NLRX1: variants seen among roughly 807,000 people sequenced by gnomAD.
NLRX1 encodes NLR family member X1.
Under a neutral mutation model 74.2 loss-of-function variants are expected in NLRX1, and 67 were observed. That is an observed-to-expected ratio of 0.90 (90% CI 0.74 to 1.11). The LOEUF is 1.11. NLRX1 is among the 50% of genes least tolerant of loss of function. NLRX1 has a pLI of 0.00. For synonymous variants in NLRX1, 506 were observed against 559.1 expected (o/e 0.91, Z 1.34); for missense variants, 1,191 against 1,305.4 (o/e 0.91, Z 1.35).
chr11:119,173,640 G>A lies in NLRX1; in HGVS notation c.391G>A (p.Ala131Thr), dbSNP rs1190296222. Residue 131 changes from alanine to threonine, a missense_variant, in exon 5 of 10, where the codon GCC becomes ACC. Physicochemically the swap from Ala to Thr is moderately conservative, Grantham distance 58 (BLOSUM62 0). Transcript: ENST00000409109. The surrounding 1 kb of genome is among the most constrained non-coding windows in gnomAD (Gnocchi z 4.0). ...GCTACTTCGCCCACCCGCGGAGCTG[G>A]CCCTGGAGCATCAGCCACCCCAGGC... is the stretch of plus-strand genomic sequence containing the variant. Reference protein sequence around the residue: ...DELLRPPAELALEHQPPQAGL... With the variant: ...DELLRPPAELTLEHQPPQAGL... 18 of 1,613,990 alleles carry A rather than the reference G, an allele frequency of 1.1e-5. No homozygotes were observed. The highest frequency in any genetic ancestry group is 1.5e-5 in the Non-Finnish European group (18 of 1,180,040).
rs567826025 is a variant in NLRX1, at chr11:119,172,143, A to T, written c.71-213A>T. Among the ~76,000 whole-genome samples, 4 of 152,358 alleles carry T rather than the reference A, an allele frequency of 2.6e-5. No individual in the cohort carries two copies. In the East Asian group the frequency reaches 5.8e-4, roughly 22 times the overall value. ...AAACAGACGTAAAGGGGACAAAAAA[A>T]TTTTAAAACACCCAAATGTGATCCC... On this transcript the variant is annotated intron_variant, in intron 2 of 9. Coordinates refer to ENST00000409109, the MANE Select transcript of NLRX1 (RefSeq NM_001282144.2).
At chr11:119,181,919 TCCTGGG>T (rs1948846834) in intron 8 of NLRX1, among the ~76,000 whole-genome samples, 169 bp from the exon 9 acceptor site, 2 of 152,138 alleles carry the variant, frequency 1.3e-5, no homozygotes, top group Non-Finnish European at 2.9e-5. Flanking sequence ...CCAGCCTTTC[TCCTGGG>T]CCTGCATTTC....
At chr11:119,181,142 A>C (rs1592336412) in intron 7 of NLRX1, 29 bp from the exon 8 acceptor site, 2 of 1,559,022 alleles carry the variant, frequency 1.3e-6, no homozygotes, top group Non-Finnish European at 1.8e-6. Context: ...CTGGTCTCTC[A>C]CCTCCCCTCT....
rs761668996 is a variant in NLRX1, at chr11:119,180,035, C to T, written c.2014C>T (p.Pro672Ser). Residue 672 changes from proline to serine, a missense_variant, in exon 7 of 10, where the codon CCA becomes TCA. Transcript: ENST00000409109. ...LGKLGRQVLP[P>S]SELLDHLFFH... ...CAAGCTGGGCCGGCAGGTGCTGCCCCCATCAGAGCTCCTTGACCACCTCTT... is the reference window on the plus strand; with the variant it reads ...CAAGCTGGGCCGGCAGGTGCTGCCCTCATCAGAGCTCCTTGACCACCTCTT... The T allele has an allele frequency of 1.2e-6, 2 of 1,613,650 alleles. No individual in the cohort carries two copies. Among genetic ancestry groups the T allele is most frequent in the South Asian group, 2.2e-5 (2 of 91,088 alleles).
intron 6 of NLRX1, among the ~76,000 whole-genome samples, chr11:119,178,606 T>A (rs1948753984): frequency 6.6e-6 from 1 of 151,626 alleles, no homozygotes; most frequent in Admixed American, 6.6e-5. Flanking sequence ...AGCCTCTTTG[T>A]GGAAGGGCAT....
rs145673513 is a variant in NLRX1, at chr11:119,175,014, C to T, written c.1411C>T (p.Arg471Trp). 3.4e-4 allele frequency: 542 copies of T among 1,614,126 alleles called. No homozygotes were observed. The highest frequency in any genetic ancestry group is 4.0e-4 in the Non-Finnish European group (469 of 1,180,050). The change falls in exon 6 of 10, where the codon CGG becomes TGG. Residue 471 changes from arginine (R) to tryptophan (W), a missense_variant. Physicochemically the swap from Arg to Trp is moderately radical, Grantham distance 101. Coordinates refer to ENST00000409109, the MANE Select transcript of NLRX1 (RefSeq NM_001282144.2). ...EEFQLLHIFR[R>W]DALRFFLAPC... ...GTTTCAGCTGCTGCACATCTTCCGTCGGGATGCCCTGAGGTTTTTCCTGGC... is the reference window on the plus strand; with the variant it reads ...GTTTCAGCTGCTGCACATCTTCCGTTGGGATGCCCTGAGGTTTTTCCTGGC...
chr11:119,173,006 G>T lies in NLRX1; in HGVS notation c.229+17G>T. On this transcript the variant is annotated intron_variant, in intron 4 of 9. Coordinates refer to ENST00000409109, the MANE Select transcript of NLRX1 (RefSeq NM_001282144.2). The surrounding 1 kb of genome is among the most constrained non-coding windows in gnomAD (Gnocchi z 4.0). ...CTGCAACTGGTAAAGGGACTGGCTGGGACCCTGGTCAGGGGGTGTGGTGGG... is the reference window on the plus strand; with the variant it reads ...CTGCAACTGGTAAAGGGACTGGCTGTGACCCTGGTCAGGGGGTGTGGTGGG... 6.2e-7 allele frequency: 1 copy of T among 1,603,800 alleles called. No homozygotes were observed. Among genetic ancestry groups the T allele is most frequent in the Non-Finnish European group, 8.5e-7 (1 of 1,173,926 alleles).
Position 119,171,585 on chromosome 11 carries a change from G to A in NLRX1, c.70+112G>A, listed in dbSNP as rs76800905. The A allele has an allele frequency of 7.9e-3, 5,658 of 713,570 alleles. 250 individuals carry two copies. The African/African-American group carries it at 0.09, about 11-fold the overall frequency. The allele number at this position is 713,570 out of a possible 1,614,324, so 44.2% of individuals were successfully genotyped here. ...CACCAGGTGCACTAGTCTCAGCTCC[G>A]TGGTTCTCTAGCTGTTGACCTTGAG... On this transcript the variant is annotated intron_variant, in intron 2 of 9. Transcript: ENST00000409109.
Position 119,181,156 on chromosome 11 carries a change from C to T in NLRX1, c.2268-15C>T, listed in dbSNP as rs746593104. ...CCTGGTCTCTCACCTCCCCTCTGGC[C>T]ACCTTCTGCTCCAGCTTGCAACTCA... On this transcript the variant is annotated splice_polypyrimidine_tract_variant and intron_variant, in intron 7 of 9. Coordinates refer to ENST00000409109, the MANE Select transcript of NLRX1 (RefSeq NM_001282144.2). 7 of 1,608,264 alleles carry T rather than the reference C, an allele frequency of 4.4e-6. No homozygotes were observed. In the East Asian group the frequency reaches 1.1e-4, roughly 26 times the overall value.
chr11:119,169,872 T>C (rs529825163), intron 1 of NLRX1, among the ~76,000 whole-genome samples: 6 of 151,942 alleles, frequency 3.9e-5, no homozygotes, highest in African/African-American at 1.4e-4. Flanking sequence ...GGCACACCAC[T>C]TTAGTCCTAG....
intron 8 of NLRX1, 109 bp downstream of exon 8, chr11:119,181,366 G>A (rs1948833517): frequency 2.5e-6 from 2 of 807,626 alleles, no homozygotes; most frequent in African/African-American, 3.4e-5. Context: ...GTAAATGGAG[G>A]AGAGTCTAGG....
At position 119,175,238 on chromosome 11, in the gene NLRX1, T is replaced by A; in HGVS notation, c.1635T>A (p.Pro545=). 2.5e-6 allele frequency: 4 copies of A among 1,614,062 alleles called. No homozygotes were observed. Among genetic ancestry groups the A allele is most frequent in the Non-Finnish European group, 3.4e-6 (4 of 1,180,004 alleles). ...LVLGIMAKLL[P]LRALPLLFNL... ...TGGGCATCATGGCCAAGCTGCTGCC[T>A]CTGCGGGCTCTGCCTCTGCTCTTCA... Residue 545 remains proline (P), a synonymous_variant, in exon 6 of 10, where the codon CCT becomes CCA. Coordinates refer to ENST00000409109, the MANE Select transcript of NLRX1 (RefSeq NM_001282144.2).
At chr11:119,170,153 CAA>C (rs1405509059) in intron 1 of NLRX1, among the ~76,000 whole-genome samples, 1 of 151,636 alleles carries the variant, frequency 6.6e-6, no homozygotes, top group Non-Finnish European at 1.5e-5. Context: ...CAGGCTGGGA[CAA>C]ACTCAGAAAA....
In NLRX1 at chr11:119,175,093, T is replaced by C. The variant is rs1948670443; in HGVS notation, c.1490T>C (p.Met497Thr). 1 of 1,614,166 alleles carries C rather than the reference T, an allele frequency of 6.2e-7. No homozygotes were observed. Among genetic ancestry groups the C allele is most frequent in the East Asian group, 2.2e-5 (1 of 44,884 alleles). ...ACCTTCGTGTTCACCGTGCCCGCCATGCAGGAATACCTGGCTGCCCTCTAC... is the reference window on the plus strand; with the variant it reads ...ACCTTCGTGTTCACCGTGCCCGCCACGCAGGAATACCTGGCTGCCCTCTAC... ...AGTFVFTVPAMQEYLAALYIV... is the reference protein window; with the variant it reads ...AGTFVFTVPATQEYLAALYIV... The change falls in exon 6 of 10, where the codon ATG becomes ACG. Residue 497 changes from methionine (M) to threonine (T), a missense_variant. By Grantham distance (81) the Met-to-Thr change is moderately conservative. Transcript: ENST00000409109.
intron 5 of NLRX1, 42 bp downstream of exon 5, chr11:119,174,140 A>G (rs776228979): frequency 5.6e-6 from 9 of 1,595,514 alleles, no homozygotes; most frequent in Middle Eastern, 1.7e-4. Context: ...CTGCCCGTTG[A>G]CTCGCCCCCT....
chr11:119,172,915 A>C lies in NLRX1; in HGVS notation c.155A>C (p.His52Pro). Reference sequence around the variant, plus strand: ...CTTGTTCCCAGGGCCTTTATACGCCACCACGGAAGCTCGGTAGATAGCGCT... The same window carrying C: ...CTTGTTCCCAGGGCCTTTATACGCCCCCACGGAAGCTCGGTAGATAGCGCT... ...PFGPPRAFIR[H>P]HGSSVDSAPP... is the part of the protein sequence containing the mutation. Residue 52 changes from histidine to proline, a missense_variant, in exon 4 of 10, where the codon CAC becomes CCC. Transcript: ENST00000409109. 2 of 1,613,974 alleles carry C rather than the reference A, an allele frequency of 1.2e-6. No individual in the cohort carries two copies. The highest frequency in any genetic ancestry group is 1.7e-6 in the Non-Finnish European group (2 of 1,179,938).
At position 119,173,427 on chromosome 11, in the gene NLRX1, C is replaced by A; in HGVS notation, c.230-52C>A. The A allele has an allele frequency of 1.3e-6, 2 of 1,575,094 alleles. No homozygotes were observed. The highest frequency in any genetic ancestry group is 1.2e-5 in the South Asian group (1 of 86,170). On this transcript the variant is annotated intron_variant, in intron 4 of 9. Coordinates refer to ENST00000409109, the MANE Select transcript of NLRX1 (RefSeq NM_001282144.2). The surrounding 1 kb of genome is among the most constrained non-coding windows in gnomAD (Gnocchi z 4.0). The stretch of plus-strand genomic sequence containing the variant: ...CACCACCGCCCTGATTGGCCCTAAG[C>A]TACATCTCCAGGCCCCTTTCCCTGA...
Position 119,183,414 on chromosome 11 carries a change from A to T in NLRX1, c.2903A>T (p.Glu968Val), listed in dbSNP as rs1948900146. The change falls in exon 10 of 10, where the codon GAG becomes GTG. Residue 968 changes from glutamate to valine, a missense_variant. Coordinates refer to ENST00000409109, the MANE Select transcript of NLRX1 (RefSeq NM_001282144.2). This position sits in a 1 kb window ranked among gnomAD's most constrained non-coding sequence, Gnocchi z 5.7. The part of the protein sequence containing the change: ...RVEGEVRALL[E>V]QLGSSGS ...GAGGGCGAGGTCAGGGCCCTCCTGG[A>T]GCAGCTGGGAAGCTCTGGAAGCTGA... The T allele has an allele frequency of 6.2e-7, 1 of 1,612,902 alleles. No homozygotes were observed. Among genetic ancestry groups the T allele is most frequent in the Admixed American group, 1.7e-5 (1 of 59,942 alleles).
At chr11:119,170,583 G>A (rs1948516811) in intron 1 of NLRX1, among the ~76,000 whole-genome samples, 1 of 152,176 alleles carries the variant, frequency 6.6e-6, no homozygotes, top group African/African-American at 2.4e-5. Context: ...CAGCCTCAAA[G>A]GCTGCTTACA....
Sources: allele counts gnomAD v4.1 joint callset (sites outside exome capture counted in the v4.1 genomes callset), GRCh38; gene constraint gnomAD v4.1.1; non-coding constraint Gnocchi (gnomAD v3.1); transcripts MANE v1.5; gene names NCBI Gene and HGNC (gene_info 2026-07-23, HGNC 2026-07-21).